The following IQCJ variants were observed in gnomAD, a reference collection of about 807,000 sequenced individuals.
The protein encoded by IQCJ is IQ domain-containing protein J.
Under a neutral mutation model 11.0 loss-of-function variants are expected in IQCJ, and 9 were observed. The observed-to-expected ratio is 0.82, with a 90% CI of 0.49 to 1.43. The LOEUF (loss-of-function observed/expected upper bound fraction) is 1.43. IQCJ is among the 40% of genes most tolerant of loss of function. The pLI is 0.00. For missense variants in IQCJ, 146 were observed against 133.2 expected (o/e 1.10, Z -0.47); for synonymous variants, 55 against 51.3 (o/e 1.07, Z -0.31).
chr3:159,105,670 A>G (rs1385775914), intron 1 of IQCJ, among the ~76,000 whole-genome samples: 1 of 152,156 alleles, frequency 6.6e-6, no homozygotes, highest in African/African-American at 2.4e-5. Flanking sequence ...CCAAGGCAAG[A>G]GTGATCCAGA....
intron 1 of IQCJ, among the ~76,000 whole-genome samples, chr3:159,219,423 C>T (rs574927268): frequency 2.2e-4 from 34 of 152,188 alleles, no homozygotes; most frequent in Non-Finnish European, 2.4e-4. Flanking sequence ...AGTTACTGGC[C>T]GCCTTCTCTA....
At chr3:159,143,949 C>T (rs962573103) in intron 1 of IQCJ, among the ~76,000 whole-genome samples, 1 of 152,168 alleles carries the variant, frequency 6.6e-6, no homozygotes, top group African/African-American at 2.4e-5. Context: ...CTGTATCCTC[C>T]TGAGGGGTTC....
chr3:159,185,131 GA>G (rs947376677), intron 1 of IQCJ, among the ~76,000 whole-genome samples: 1 of 152,126 alleles, frequency 6.6e-6, no homozygotes, highest in Non-Finnish European at 1.5e-5. Context: ...ATCCATAACA[GA>G]AAAATGAATA....
At chr3:159,117,807 C>T (rs1719117302) in intron 1 of IQCJ, among the ~76,000 whole-genome samples, 2 of 152,116 alleles carry the variant, frequency 1.3e-5, no homozygotes, top group African/African-American at 2.4e-5. Flanking sequence ...AGAGAAGACA[C>T]AATAATATTA....
chr3:159,162,047 G>GT (rs1372430724), intron 1 of IQCJ, among the ~76,000 whole-genome samples: 2 of 152,286 alleles, frequency 1.3e-5, no homozygotes, highest in Admixed American at 6.5e-5. Context: ...CTTTAAAGAA[G>GT]TTTTTTCCAA....
chr3:159,155,113 A>G (rs1721443554), intron 1 of IQCJ, among the ~76,000 whole-genome samples: 1 of 152,164 alleles, frequency 6.6e-6, no homozygotes, highest in Non-Finnish European at 1.5e-5. Context: ...TCTTTGTTAA[A>G]TAAGGTTTCT....
chr3:159,228,994 T>C (rs1472607107), intron 1 of IQCJ, among the ~76,000 whole-genome samples: 1 of 152,224 alleles, frequency 6.6e-6, no homozygotes, highest in African/African-American at 2.4e-5. Context: ...TAATAGATTA[T>C]AATATGCAGG....
chr3:159,254,826 T>C (rs1256512500), intron 3 of IQCJ, among the ~76,000 whole-genome samples: 3 of 152,176 alleles, frequency 2.0e-5, no homozygotes, highest in African/African-American at 7.2e-5. Flanking sequence ...ACACTTTCAC[T>C]CTCAGCAGTT....
chr3:159,132,960 T>G (rs1280391297), intron 1 of IQCJ, among the ~76,000 whole-genome samples: 1 of 152,242 alleles, frequency 6.6e-6, no homozygotes, highest in Non-Finnish European at 1.5e-5. Flanking sequence ...CTTCCTTTCT[T>G]TGTTTTGAGC....
intron 1 of IQCJ, among the ~76,000 whole-genome samples, chr3:159,126,969 G>A (rs1451192732): frequency 2.0e-5 from 3 of 152,162 alleles, no homozygotes; most frequent in Non-Finnish European, 4.4e-5. Context: ...TCCCCTTGCT[G>A]GAAGCCTTGG....
rs6790312 is a variant in IQCJ, at chr3:159,109,952, C to T, written c.9+40511C>T. On this transcript the variant is annotated intron_variant, in intron 1 of 3. Coordinates refer to ENST00000397832, the MANE Select transcript of IQCJ (RefSeq NM_001042706.3). ...TTTGCGTATGGAGCATCACTCCTAA[C>T]TTTTGTGACATTGGAGGTTTTACTA... 1.6e-3 allele frequency among the ~76,000 whole-genome samples: 237 copies of T among 152,256 alleles called. 2 individuals are homozygous for T. Among genetic ancestry groups the T allele is most frequent in the African/African-American group, 5.6e-3 (231 of 41,552 alleles).
At chr3:159,075,413 A>C (rs1715844963) in intron 1 of IQCJ, among the ~76,000 whole-genome samples, 1 of 152,132 alleles carries the variant, frequency 6.6e-6, no homozygotes, top group African/African-American at 2.4e-5. Context: ...ACTTGTGCCT[A>C]ACAAGCTGTG....
intron 1 of IQCJ, among the ~76,000 whole-genome samples, chr3:159,121,470 G>A (rs975092002): frequency 3.3e-5 from 5 of 152,068 alleles, no homozygotes; most frequent in African/African-American, 1.2e-4. Context: ...CAAAGCAGAG[G>A]GAAAGAAGGG....
chr3:159,264,607 A>G (rs1172332985), downstream of IQCJ, among the ~76,000 whole-genome samples: 1 of 152,200 alleles, frequency 6.6e-6, no homozygotes, highest in African/African-American at 2.4e-5. Context: ...AGTGAATGGC[A>G]GTCTGGCTCA....
At chr3:159,251,975 C>T (rs963722943) in intron 2 of IQCJ, among the ~76,000 whole-genome samples, 3 of 152,162 alleles carry the variant, frequency 2.0e-5, no homozygotes, top group Non-Finnish European at 2.9e-5. Context: ...TTCTGCTTAT[C>T]AAAGCCTATT....
intron 1 of IQCJ, among the ~76,000 whole-genome samples, chr3:159,144,952 T>A (rs1196273061): frequency 6.6e-6 from 1 of 152,230 alleles, no homozygotes; most frequent in Non-Finnish European, 1.5e-5. Context: ...GTTAAAAGTC[T>A]CCTCAGAAGG....
intron 1 of IQCJ, among the ~76,000 whole-genome samples, chr3:159,236,976 T>G (rs1382412217): frequency 6.6e-6 from 1 of 152,200 alleles, no homozygotes; most frequent in African/African-American, 2.4e-5. Context: ...TAGGTTAATA[T>G]ATAATTATTT....
intron 3 of IQCJ, among the ~76,000 whole-genome samples, chr3:159,257,675 G>C (rs60331680): frequency 2.0e-3 from 311 of 152,278 alleles, no homozygotes; most frequent in African/African-American, 7.1e-3. Flanking sequence ...CAGGATACAG[G>C]GTTGGGATAG....
Position 159,263,624 on chromosome 3 carries a change from T to A in IQCJ, c.*893T>A. 2.0e-6 allele frequency: 2 copies of A among 985,292 alleles called. No homozygotes were observed. The highest frequency in any genetic ancestry group is 1.7e-5 in the African/African-American group (1 of 57,358). 61.0% of individuals were successfully genotyped at this position (985,292 alleles called of 1,614,324 possible). ...AAAATTTTTCTTTTACTTTTGGTTA[T>A]CATGTTTATTCTGTGGTAAAAAGGT... On this transcript the variant is annotated 3_prime_UTR_variant, in exon 4 of 4. Transcript: ENST00000397832.
Sources: gnomAD v4.1 joint callset for allele counts (sites outside exome capture counted in the v4.1 genomes callset) on GRCh38, gnomAD v4.1.1 for gene constraint, MANE v1.5 for transcripts, NCBI Gene and HGNC (gene_info 2026-07-23, HGNC 2026-07-21) for gene names.